MYPN: variants seen among roughly 807,000 people sequenced by gnomAD.
MYPN encodes the protein sarcomeric protein myopalladin, 145 kDa (MYOP).
MYPN carries 63 observed loss-of-function variants against 129.4 expected under a neutral mutation model. That is an observed-to-expected ratio of 0.49 (90% CI 0.40 to 0.60). The LOEUF (loss-of-function observed/expected upper bound fraction) is 0.60. MYPN is among the 20% of genes least tolerant of loss of function. MYPN has a pLI of 0.00. For synonymous variants in MYPN, 629 were observed against 600.9 expected (o/e 1.05, Z -0.68); for missense variants, 1,596 against 1,635.4 (o/e 0.98, Z 0.42).
At chr10:68,182,195 C>T (rs1221882889) in intron 12 of MYPN, among the ~76,000 whole-genome samples, 2 of 147,072 alleles carry the variant, frequency 1.4e-5, no homozygotes, top group Admixed American at 6.9e-5. Flanking sequence ...TCCTCACTAC[C>T]TGGTTACTAA....
At position 68,122,358 on chromosome 10, in the gene MYPN, G is replaced by T. The variant is rs757174479; in HGVS notation, c.902+18G>T. 2 of 1,609,848 alleles carry T rather than the reference G, an allele frequency of 1.2e-6. No homozygotes were observed. The highest frequency in any genetic ancestry group is 4.5e-5 in the East Asian group (2 of 44,890). On this transcript the variant is annotated intron_variant, in intron 2 of 19. Transcript: ENST00000358913. ...CAAGTAAGGTAAAAATGTCCCATTGGTAATGCTGAGTAATGTTGCTTTCCA... is the reference window on the plus strand; with the variant it reads ...CAAGTAAGGTAAAAATGTCCCATTGTTAATGCTGAGTAATGTTGCTTTCCA...
chr10:68,194,469 G>A lies in MYPN; in HGVS notation c.3032G>A (p.Ser1011Asn), dbSNP rs1273922681. The A allele has an allele frequency of 6.2e-7, 1 of 1,613,906 alleles. No individual in the cohort carries two copies. Among genetic ancestry groups the A allele is most frequent in the Admixed American group, 1.7e-5 (1 of 59,988 alleles). The change falls in exon 14 of 20, where the codon AGT becomes AAT. Residue 1011 changes from serine (S) to asparagine (N), a missense_variant. Physicochemically the swap from Ser to Asn is conservative, Grantham distance 46. Transcript: ENST00000358913. ...TCSLHIESTT[S>N]DDDGNYTIMA... Reference sequence around the variant, plus strand: ...TCTCTGCACATTGAATCCACTACCAGTGATGACGATGGCAACTACACCATC... The same window carrying A: ...TCTCTGCACATTGAATCCACTACCAATGATGACGATGGCAACTACACCATC...
At chr10:68,130,288 C>T (rs1205645896) in intron 2 of MYPN, among the ~76,000 whole-genome samples, 5 of 151,982 alleles carry the variant, frequency 3.3e-5, no homozygotes, top group Admixed American at 6.6e-5. Flanking sequence ...TGTGAAAACC[C>T]GTCTCTACTA....
At chr10:68,210,124 A>G (rs1254488636) in intron 19 of MYPN, among the ~76,000 whole-genome samples, 162 bp from the exon 20 acceptor site, 1 of 152,178 alleles carries the variant, frequency 6.6e-6, no homozygotes, top group African/African-American at 2.4e-5. Flanking sequence ...GGAAGGCTTT[A>G]TTGTTCTCTT....
chr10:68,148,267 A>G, intron 4 of MYPN, 86 bp from the exon 5 acceptor site: 5 of 1,047,260 alleles, frequency 4.8e-6, no homozygotes, highest in Non-Finnish European at 7.3e-6. Context: ...ACCTGTAAGC[A>G]GTGATGCCAT....
At chr10:68,111,249 G>C (rs1393896401) in intron 1 of MYPN, among the ~76,000 whole-genome samples, 1 of 152,152 alleles carries the variant, frequency 6.6e-6, no homozygotes, top group African/African-American at 2.4e-5. Flanking sequence ...CATTTTGAAA[G>C]GGTTTTAATG....
intron 1 of MYPN, among the ~76,000 whole-genome samples, chr10:68,091,824 T>A (rs1224761366): frequency 1.3e-5 from 2 of 151,652 alleles, no homozygotes; most frequent in Non-Finnish European, 2.9e-5. Flanking sequence ...TAAACACTTT[T>A]ATTAGAACTT....
chr10:68,096,240 G>A (rs184464469), intron 1 of MYPN, among the ~76,000 whole-genome samples: 4 of 152,258 alleles, frequency 2.6e-5, no homozygotes, highest in East Asian at 3.9e-4. Flanking sequence ...TTGACTTGCC[G>A]TGTAACTCTT....
intron 2 of MYPN, among the ~76,000 whole-genome samples, chr10:68,141,156 G>A (rs139134937): frequency 0.014 from 2,134 of 152,286 alleles, 55 homozygotes; most frequent in African/African-American, 0.048. Flanking sequence ...GGATCACGAG[G>A]TCAAGAGATC....
intron 19 of MYPN, among the ~76,000 whole-genome samples, chr10:68,209,982 C>T (rs768682664): frequency 5.3e-5 from 8 of 152,096 alleles, no homozygotes; most frequent in Non-Finnish European, 1.2e-4. Context: ...CATAAGCCAC[C>T]GTGCCTGGCC....
At chr10:68,150,218 T>G (rs1207644763) in intron 6 of MYPN, 107 bp downstream of exon 6, 3 of 964,970 alleles carry the variant, frequency 3.1e-6, no homozygotes, top group Non-Finnish European at 4.9e-6. Context: ...TGGTCTTCTG[T>G]ATGTACGGTA....
At position 68,196,801 on chromosome 10, in the gene MYPN, C is replaced by T. The variant is rs926534494; in HGVS notation, c.3159-551C>T. ...CACCTGGCCCCCTCTCCCTTTGCCT[C>T]CTCCTCCTCCTTCTCCTCCTCCTCC... On this transcript the variant is annotated intron_variant, in intron 15 of 19. Coordinates refer to ENST00000358913, the MANE Select transcript of MYPN (RefSeq NM_032578.4). Among the ~76,000 whole-genome samples, 4 of 151,956 alleles carry T rather than the reference C, an allele frequency of 2.6e-5. No individual in the cohort carries two copies. In the East Asian group the frequency reaches 7.7e-4, roughly 29 times the overall value.
At chr10:68,146,869 G>A (rs536459484) in intron 4 of MYPN, among the ~76,000 whole-genome samples, 39 of 152,292 alleles carry the variant, frequency 2.6e-4, no homozygotes, top group Admixed American at 2.5e-3. Flanking sequence ...TCTTTATTTG[G>A]AGCAATCATG....
intron 6 of MYPN, 37 bp from the exon 7 acceptor site, chr10:68,158,449 C>T (rs1564669519): frequency 6.3e-7 from 1 of 1,599,134 alleles, no homozygotes; most frequent in Non-Finnish European, 8.6e-7. Context: ...AAAATGTGTA[C>T]TTTTTTGTTC....
chr10:68,211,315 C>T lies in MYPN; in HGVS notation c.*860C>T, dbSNP rs985097160. On this transcript the variant is annotated 3_prime_UTR_variant, in exon 20 of 20. Transcript: ENST00000358913. ...CAAAATGTGCAAGAGTCATCATTTG[C>T]CCATAAAATACACCTCATGGGCTCC... 5.1e-5 allele frequency: 23 copies of T among 453,904 alleles called. No homozygotes were observed. The highest frequency in any genetic ancestry group is 4.0e-4 in the African/African-American group (20 of 49,972). The allele number at this position is 453,904 out of a possible 1,614,324, so 28.1% of individuals were successfully genotyped here.
chr10:68,199,590 T>C lies in MYPN; in HGVS notation c.3493+15T>C, dbSNP rs1589612277. The C allele has an allele frequency of 2.2e-6, 1 of 462,952 alleles. No individual in the cohort carries two copies. Among genetic ancestry groups the C allele is most frequent in the Non-Finnish European group, 3.3e-6 (1 of 302,074 alleles). 28.7% of individuals were successfully genotyped at this position (462,952 alleles called of 1,614,324 possible). A position where few individuals can be genotyped will look rare whatever the true frequency, so the allele number is the denominator to read the frequency against. Reference sequence around the variant, plus strand: ...CTCTGTAGTAGGTAAGGTTTGCTGCTGGGACCCCTAAACACAACTTCCTCC... The same window carrying C: ...CTCTGTAGTAGGTAAGGTTTGCTGCCGGGACCCCTAAACACAACTTCCTCC... On this transcript the variant is annotated intron_variant, in intron 17 of 19. Transcript: ENST00000358913.
At chr10:68,148,103 G>A (rs1235808075) in intron 4 of MYPN, among the ~76,000 whole-genome samples, 1 of 152,148 alleles carries the variant, frequency 6.6e-6, no homozygotes, top group African/African-American at 2.4e-5. Context: ...CTGTTAATAT[G>A]TTTGACTCCC....
intron 10 of MYPN, among the ~76,000 whole-genome samples, chr10:68,173,582 A>T (rs1460966846): frequency 2.0e-5 from 1 of 49,848 alleles, no homozygotes; most frequent in Non-Finnish European, 4.3e-5. Flanking sequence ...TATTTTATTT[A>T]TTTATTTATT....
chr10:68,179,516 A>C (rs1232557004), intron 12 of MYPN, among the ~76,000 whole-genome samples: 1 of 152,188 alleles, frequency 6.6e-6, no homozygotes, highest in Non-Finnish European at 1.5e-5. Flanking sequence ...AGGTAATAAA[A>C]CTGTTAACCA....
Sources: gnomAD v4.1 joint callset for allele counts (sites outside exome capture counted in the v4.1 genomes callset) on GRCh38, gnomAD v4.1.1 for gene constraint, MANE v1.5 for transcripts, NCBI Gene and HGNC (gene_info 2026-07-23, HGNC 2026-07-21) for gene names.